Variants in LPAR1 observed in about 807,000 individuals in gnomAD.
LPAR1 encodes lysophosphatidic acid receptor 1.
In LPAR1, 5 loss-of-function variants were observed where a neutral mutation model predicts 23.8. That is an observed-to-expected ratio of 0.21 (90% CI 0.11 to 0.44). The LOEUF (loss-of-function observed/expected upper bound fraction) is 0.44. Ranked by LOEUF, LPAR1 falls within the 20% of genes least tolerant of loss-of-function variation. The pLI is 0.99. For synonymous variants in LPAR1, 160 were observed against 164.7 expected (o/e 0.97, Z 0.22); for missense variants, 311 against 482.8 (o/e 0.64, Z 3.33).
At chr9:110,887,412 T>C (rs971828789) in intron 5 of LPAR1, among the ~76,000 whole-genome samples, 1 of 152,128 alleles carries the variant, frequency 6.6e-6, no homozygotes, top group African/African-American at 2.4e-5. Flanking sequence ...ACTGTAAATG[T>C]GGTCACTGTC....
intron 5 of LPAR1, among the ~76,000 whole-genome samples, chr9:110,890,962 T>C (rs1184988963): frequency 3.3e-5 from 5 of 152,148 alleles, no homozygotes; most frequent in Non-Finnish European, 7.4e-5. Flanking sequence ...AGAAAACTTA[T>C]TAGAAACCAA....
chr9:110,949,258 C>T (rs1471556838), intron 4 of LPAR1, among the ~76,000 whole-genome samples: 1 of 152,156 alleles, frequency 6.6e-6, no homozygotes, highest in Admixed American at 6.5e-5. Context: ...ATAAACTCAT[C>T]TTCCAAAAGG....
At chr9:110,875,818 A>G (rs1183923550) in intron 5 of LPAR1, 96 bp from the exon 6 acceptor site, 1 of 606,436 alleles carries the variant, frequency 1.6e-6, no homozygotes, top group Non-Finnish European at 2.6e-6. Context: ...ATTTCAGTTC[A>G]ATATAAAAAT....
intron 2 of LPAR1, among the ~76,000 whole-genome samples, chr9:111,012,004 C>G (rs1034770298): frequency 2.0e-5 from 3 of 152,148 alleles, no homozygotes; most frequent in African/African-American, 7.2e-5. Context: ...TATTCCAACA[C>G]TTTGAGAGGC....
chr9:111,015,356 T>A (rs567159828), intron 2 of LPAR1, among the ~76,000 whole-genome samples: 1 of 152,160 alleles, frequency 6.6e-6, no homozygotes, highest in Non-Finnish European at 1.5e-5. Context: ...AATAGCCAAG[T>A]TGCATCAATT....
chr9:111,017,071 C>T (rs2097463673), intron 2 of LPAR1, among the ~76,000 whole-genome samples: 1 of 152,182 alleles, frequency 6.6e-6, no homozygotes, highest in Admixed American at 6.5e-5. Flanking sequence ...CCTGGTTAGT[C>T]CTTATCTTCA....
intron 2 of LPAR1, among the ~76,000 whole-genome samples, chr9:111,014,717 T>G (rs563980996): frequency 6.6e-5 from 10 of 152,272 alleles, no homozygotes; most frequent in Non-Finnish European, 1.0e-4. Flanking sequence ...TCCATGCCCA[T>G]GATTTTAAAT....
intron 5 of LPAR1, among the ~76,000 whole-genome samples, chr9:110,893,822 C>T (rs1375614668): frequency 6.6e-6 from 1 of 152,140 alleles, no homozygotes; most frequent in Non-Finnish European, 1.5e-5. Flanking sequence ...AATCTTCCCA[C>T]CTGCTTACAC....
chr9:111,018,267 GT>G (rs1177774918), intron 2 of LPAR1, among the ~76,000 whole-genome samples: 1 of 152,076 alleles, frequency 6.6e-6, no homozygotes, highest in Admixed American at 6.5e-5. Flanking sequence ...CCATCTTTAA[GT>G]TTTTCTCAAA....
chr9:110,954,348 AT>A (rs2095666255), intron 4 of LPAR1, among the ~76,000 whole-genome samples: 1 of 152,230 alleles, frequency 6.6e-6, no homozygotes, highest in African/African-American at 2.4e-5. Context: ...AAATATTTGA[AT>A]TTTACATGTT....
At chr9:111,020,026 T>C (rs904794450) in intron 2 of LPAR1, among the ~76,000 whole-genome samples, 2 of 152,168 alleles carry the variant, frequency 1.3e-5, no homozygotes, top group African/African-American at 4.8e-5. Context: ...GGTGAATGTG[T>C]ATAGAAACAA....
intron 4 of LPAR1, among the ~76,000 whole-genome samples, chr9:110,960,441 T>A (rs12345986): frequency 6.6e-6 from 1 of 151,970 alleles, no homozygotes; most frequent in Non-Finnish European, 1.5e-5. Flanking sequence ...CAATTAATGG[T>A]CTGGGCAAAG....
intron 4 of LPAR1, among the ~76,000 whole-genome samples, chr9:110,963,960 C>T (rs531515527): frequency 3.1e-4 from 47 of 152,284 alleles, no homozygotes; most frequent in African/African-American, 1.0e-3. Context: ...CTATGTTAGA[C>T]GAAATTATCG....
intron 2 of LPAR1, among the ~76,000 whole-genome samples, chr9:110,985,512 C>T (rs995847832): frequency 2.6e-5 from 4 of 152,036 alleles, no homozygotes; most frequent in Middle Eastern, 3.2e-3. Context: ...GAGAGAGAAA[C>T]ACAATTAACA....
At chr9:110,961,360 C>G (rs1379571675) in intron 4 of LPAR1, among the ~76,000 whole-genome samples, 2 of 151,700 alleles carry the variant, frequency 1.3e-5, no homozygotes, top group Non-Finnish European at 2.9e-5. Context: ...GTGGCTCACA[C>G]CTGTAATCCC....
chr9:110,911,320 G>C (rs560189368), intron 5 of LPAR1, among the ~76,000 whole-genome samples: 2 of 152,154 alleles, frequency 1.3e-5, no homozygotes, highest in Admixed American at 1.3e-4. Context: ...ACCAAGGCAG[G>C]TGGATTGCTT....
At chr9:110,947,118 T>G (rs2095410655) in intron 4 of LPAR1, among the ~76,000 whole-genome samples, 1 of 152,132 alleles carries the variant, frequency 6.6e-6, no homozygotes, top group African/African-American at 2.4e-5. Flanking sequence ...TTTTGTAAAA[T>G]TTATGTAGGT....
At chr9:111,038,497 G>A, upstream of LPAR1, 1 of 402,580 alleles carries the variant, frequency 2.5e-6, no homozygotes, top group South Asian at 1.7e-5. The surrounding 1 kb of genome is among the most constrained non-coding windows in gnomAD (Gnocchi z 4.4). Flanking sequence ...CTGGCAGGAG[G>A]AGGGGGCGCA....
chr9:111,034,058 G>A (rs1391010901), intron 2 of LPAR1, among the ~76,000 whole-genome samples: 1 of 152,196 alleles, frequency 6.6e-6, no homozygotes, highest in African/African-American at 2.4e-5. Context: ...TGAAGATAAT[G>A]AGTTAAATGC....
Sources: gnomAD v4.1 joint callset for allele counts (sites outside exome capture counted in the v4.1 genomes callset) on GRCh38, gnomAD v4.1.1 for gene constraint, Gnocchi (gnomAD v3.1) non-coding constraint, MANE v1.5 for transcripts, NCBI Gene and HGNC (gene_info 2026-07-23, HGNC 2026-07-21) for gene names.